ANKS1B: variants seen among roughly 807,000 people sequenced by gnomAD.
ANKS1B encodes ankyrin repeat and sterile alpha motif domain-containing protein 1B.
Under a neutral mutation model 148.3 loss-of-function variants are expected in ANKS1B, and 36 were observed. That is an observed-to-expected ratio of 0.24 (90% CI 0.19 to 0.32). The LOEUF (loss-of-function observed/expected upper bound fraction) is 0.32. Ranked by LOEUF, ANKS1B falls within the 10% of genes least tolerant of loss-of-function variation. The pLI, the probability that ANKS1B is intolerant of heterozygous loss-of-function variation, is 1.00. For synonymous variants in ANKS1B, 542 were observed against 560.8 expected, an observed-to-expected ratio of 0.97 and a Z score of 0.47; for missense variants, 1,157 against 1,542.6, an observed-to-expected ratio of 0.75 and a Z score of 4.19.
chr12:99,312,123 G>A (rs1566865547), intron 12 of ANKS1B, among the ~76,000 whole-genome samples: 1 of 152,086 alleles, frequency 6.6e-6, no homozygotes, highest in East Asian at 1.9e-4. Context: ...TAGGTTAAAC[G>A]AGTCATTTCT....
intron 17 of ANKS1B, among the ~76,000 whole-genome samples, chr12:98,883,189 A>T (rs1465479850): frequency 2.6e-5 from 4 of 152,222 alleles, no homozygotes; most frequent in African/African-American, 4.8e-5. Flanking sequence ...TAATTTTATA[A>T]CATCTGGAGG....
intron 9 of ANKS1B, among the ~76,000 whole-genome samples, chr12:99,567,437 A>C (rs1456031280): frequency 6.6e-6 from 1 of 151,956 alleles, no homozygotes; most frequent in Non-Finnish European, 1.5e-5. Flanking sequence ...TCACTCCCCC[A>C]TCAAGAGCCC....
intron 22 of ANKS1B, among the ~76,000 whole-genome samples, chr12:98,797,116 T>C (rs1168875962): frequency 1.3e-5 from 2 of 152,228 alleles, no homozygotes; most frequent in Non-Finnish European, 2.9e-5. Context: ...GAATGAAAAC[T>C]TTCCCTTTTT....
At chr12:99,649,143 T>G (rs2098401491) in intron 9 of ANKS1B, 1 of 691,826 alleles carries the variant, frequency 1.4e-6, no homozygotes, top group Non-Finnish European at 2.5e-6. Flanking sequence ...AGGACGTGTC[T>G]CCCTGCAATT....
rs1380324962 is a variant in ANKS1B, at chr12:99,485,400, AC to A, written c.1438+19075del. Among the ~76,000 whole-genome samples the A allele has an allele frequency of 2.0e-5, 3 of 151,986 alleles. No individual in the cohort carries two copies. In the East Asian group the frequency reaches 5.8e-4, roughly 29 times the overall value. ...TCTGATAGGTTTTCCTTTGTACGTT[AC>A]CTGATGTTTTTGTCTTACTGCTCTT... is the stretch of plus-strand genomic sequence containing the variant. On this transcript the variant is annotated intron_variant, in intron 10 of 26. Coordinates refer to ENST00000683438, the MANE Select transcript of ANKS1B (RefSeq NM_001352186.2).
intron 17 of ANKS1B, among the ~76,000 whole-genome samples, chr12:98,960,646 C>T (rs892237149): frequency 6.6e-6 from 1 of 152,058 alleles, no homozygotes; most frequent in Non-Finnish European, 1.5e-5. Flanking sequence ...ATAATCTTAC[C>T]AAACAAACTA....
chr12:98,789,955 A>G (rs938899300), intron 22 of ANKS1B, among the ~76,000 whole-genome samples: 1 of 152,218 alleles, frequency 6.6e-6, no homozygotes, highest in Non-Finnish European at 1.5e-5. Context: ...GGAGGATTAC[A>G]CAAGCATAAG....
At chr12:99,484,764 GTTT>G (rs565634931) in intron 10 of ANKS1B, among the ~76,000 whole-genome samples, 2 of 63,752 alleles carry the variant, frequency 3.1e-5, no homozygotes. Flanking sequence ...GTGTGTGTGT[GTTT>G]TTTTTTTTTT....
intron 17 of ANKS1B, among the ~76,000 whole-genome samples, chr12:99,051,945 A>G (rs1258740097): frequency 1.3e-5 from 2 of 152,258 alleles, no homozygotes; most frequent in Non-Finnish European, 1.5e-5. Flanking sequence ...AAAGTGACAT[A>G]AAGAGTAGAA....
At chr12:99,820,921 C>T (rs1447717873) in intron 2 of ANKS1B, among the ~76,000 whole-genome samples, 1 of 151,912 alleles carries the variant, frequency 6.6e-6, no homozygotes, top group Non-Finnish European at 1.5e-5. Context: ...AGTCACTTAA[C>T]TAAATGGGCA....
At chr12:99,587,698 C>T (rs11109931) in intron 9 of ANKS1B, among the ~76,000 whole-genome samples, 7,572 of 151,950 alleles carry the variant, frequency 0.05, 356 homozygotes, top group East Asian at 0.23. Flanking sequence ...AATTTAGGGG[C>T]GAATATAAAA....
At chr12:99,391,248 C>A (rs911285756) in intron 12 of ANKS1B, among the ~76,000 whole-genome samples, 4 of 152,172 alleles carry the variant, frequency 2.6e-5, no homozygotes, top group African/African-American at 7.2e-5. Context: ...CAAATCAGAT[C>A]ATCTCTCTTC....
chr12:98,830,160 G>T (rs1294913060), intron 18 of ANKS1B, among the ~76,000 whole-genome samples: 1 of 152,142 alleles, frequency 6.6e-6, no homozygotes, highest in African/African-American at 2.4e-5. Flanking sequence ...AGCAGGAAAT[G>T]ACTCCTCTAA....
At chr12:99,422,695 G>A (rs1046726102) in intron 11 of ANKS1B, among the ~76,000 whole-genome samples, 5 of 151,974 alleles carry the variant, frequency 3.3e-5, no homozygotes, top group African/African-American at 1.2e-4. Flanking sequence ...AGAGAGAATG[G>A]GCACATCTTT....
chr12:99,415,028 G>A (rs1240671590), intron 11 of ANKS1B, among the ~76,000 whole-genome samples: 3 of 152,154 alleles, frequency 2.0e-5, no homozygotes, highest in Non-Finnish European at 2.9e-5. Context: ...ACACATGAGA[G>A]GATAATAAAA....
intron 19 of ANKS1B, among the ~76,000 whole-genome samples, chr12:98,819,168 A>C (rs2099165083): frequency 1.3e-5 from 2 of 152,236 alleles, no homozygotes; most frequent in Non-Finnish European, 2.9e-5. Flanking sequence ...GACTAGGATT[A>C]TTGGATGAGT....
At chr12:99,672,494 T>C (rs553702137) in intron 8 of ANKS1B, among the ~76,000 whole-genome samples, 5 of 152,274 alleles carry the variant, frequency 3.3e-5, no homozygotes, top group African/African-American at 1.2e-4. Context: ...CATCCTGTCA[T>C]TGCATAAAGA....
At chr12:99,792,772 C>G (rs577795638) in intron 4 of ANKS1B, among the ~76,000 whole-genome samples, 5 of 152,062 alleles carry the variant, frequency 3.3e-5, no homozygotes, top group African/African-American at 1.2e-4. Flanking sequence ...AGCCTTTCCT[C>G]TAAGACCTGG....
At chr12:99,194,065 G>T (rs753164017) in intron 14 of ANKS1B, among the ~76,000 whole-genome samples, 15 of 151,890 alleles carry the variant, frequency 9.9e-5, no homozygotes, top group Admixed American at 2.0e-4. Flanking sequence ...CTCTCAAAGT[G>T]CTGGGATTAC....
Sources: allele counts gnomAD v4.1 joint callset (sites outside exome capture counted in the v4.1 genomes callset), GRCh38; gene constraint gnomAD v4.1.1; transcripts MANE v1.5; gene names NCBI Gene and HGNC (gene_info 2026-07-23, HGNC 2026-07-21).